The following PPP3CA variants were observed in gnomAD, a reference collection of about 807,000 sequenced individuals.
PPP3CA encodes the protein CAM-PRP catalytic subunit.
A neutral mutation model predicts 66.5 loss-of-function variants in PPP3CA; 14 were observed. The observed-to-expected ratio is 0.21, with a 90% confidence interval of 0.14 to 0.33. The LOEUF (loss-of-function observed/expected upper bound fraction) is 0.33, where lower values mean the gene tolerates loss of function less well. Ranked by LOEUF, PPP3CA falls within the 10% of genes least tolerant of loss-of-function variation. The pLI is 1.00. For missense variants in PPP3CA, 317 were observed against 639.5 expected, an observed-to-expected ratio of 0.50 and a Z score of 5.44; for synonymous variants, 232 against 226.2, an observed-to-expected ratio of 1.03 and a Z score of -0.23.
chr4:101,110,674 A>AT (rs1158880861), intron 2 of PPP3CA, among the ~76,000 whole-genome samples: 9 of 152,144 alleles, frequency 5.9e-5, no homozygotes, highest in African/African-American at 1.9e-4. Flanking sequence ...TTTATAAATA[A>AT]TTTTTTTATT....
intron 1 of PPP3CA, among the ~76,000 whole-genome samples, chr4:101,339,762 T>C (rs1051887834): frequency 6.6e-6 from 1 of 152,196 alleles, no homozygotes; most frequent in Non-Finnish European, 1.5e-5. Flanking sequence ...ACAATGACCA[T>C]TTTTTCCAAA....
At chr4:101,099,878 A>C (rs774760643) in intron 3 of PPP3CA, among the ~76,000 whole-genome samples, 156 bp from the exon 4 acceptor site, 8 of 152,052 alleles carry the variant, frequency 5.3e-5, no homozygotes, top group Admixed American at 1.3e-4. Flanking sequence ...TGACAATCAA[A>C]TAGGAAACAT....
intron 2 of PPP3CA, 72 bp from the exon 3 acceptor site, chr4:101,109,150 T>G: frequency 1.4e-6 from 2 of 1,437,564 alleles, no homozygotes; most frequent in Non-Finnish European, 1.9e-6. Context: ...AATTACAAAA[T>G]TTTAGAACCA....
intron 1 of PPP3CA, among the ~76,000 whole-genome samples, chr4:101,303,188 C>T (rs1331622841): frequency 6.6e-6 from 1 of 152,154 alleles, no homozygotes; most frequent in African/African-American, 2.4e-5. Flanking sequence ...GTAATTCTGA[C>T]TCATTTCAAA....
chr4:101,306,915 C>T (rs1728552816), intron 1 of PPP3CA, among the ~76,000 whole-genome samples: 2 of 151,912 alleles, frequency 1.3e-5, no homozygotes, highest in African/African-American at 4.8e-5. Context: ...AACAGTGAGT[C>T]CACGGGAGGA....
At chr4:101,208,477 G>A (rs983613832) in intron 1 of PPP3CA, among the ~76,000 whole-genome samples, 4 of 152,146 alleles carry the variant, frequency 2.6e-5, no homozygotes, top group African/African-American at 7.2e-5. Context: ...TAAATACAAA[G>A]GGATGCTGGC....
At chr4:101,038,884 C>G (rs1727379907) in intron 11 of PPP3CA, among the ~76,000 whole-genome samples, 1 of 152,128 alleles carries the variant, frequency 6.6e-6, no homozygotes, top group African/African-American at 2.4e-5. Flanking sequence ...CTTTTATTTT[C>G]TATTAACATG....
intron 1 of PPP3CA, among the ~76,000 whole-genome samples, chr4:101,247,634 A>AT (rs1281996591): frequency 6.6e-6 from 1 of 152,080 alleles, no homozygotes; most frequent in South Asian, 2.1e-4. Flanking sequence ...CCCTATACAT[A>AT]TTTTTTCATT....
chr4:101,107,752 C>A (rs547031039), intron 3 of PPP3CA, among the ~76,000 whole-genome samples: 13 of 152,046 alleles, frequency 8.6e-5, no homozygotes, highest in Non-Finnish European at 1.5e-4. Flanking sequence ...CCTTAAATAT[C>A]CCTTTAGCAA....
intron 1 of PPP3CA, among the ~76,000 whole-genome samples, chr4:101,299,553 G>T (rs1347727289): frequency 6.6e-6 from 1 of 151,922 alleles, no homozygotes; most frequent in Admixed American, 6.6e-5. Flanking sequence ...CCTATATGGG[G>T]TCTGTCACTA....
intron 1 of PPP3CA, among the ~76,000 whole-genome samples, chr4:101,214,647 C>T (rs1174598059): frequency 6.6e-6 from 1 of 152,072 alleles, no homozygotes; most frequent in East Asian, 1.9e-4. Context: ...ACTCCTCCCA[C>T]AGCAGGATAA....
chr4:101,191,614 CATTGCTTCAT>C (rs1414494005), intron 2 of PPP3CA, among the ~76,000 whole-genome samples: 1 of 152,180 alleles, frequency 6.6e-6, no homozygotes, highest in Non-Finnish European at 1.5e-5. Context: ...ACTAAGGCCA[CATTGCTTCAT>C]AGTGACAAAT....
intron 2 of PPP3CA, among the ~76,000 whole-genome samples, chr4:101,139,255 G>A (rs1435750089): frequency 6.6e-6 from 1 of 150,962 alleles, no homozygotes; most frequent in Non-Finnish European, 1.5e-5. Context: ...GCTGAGGCAG[G>A]AGAATGGTGT....
intron 2 of PPP3CA, among the ~76,000 whole-genome samples, chr4:101,111,994 T>C (rs1212618716): frequency 6.6e-6 from 1 of 152,188 alleles, no homozygotes; most frequent in African/African-American, 2.4e-5. Flanking sequence ...TCTCCCCTTC[T>C]AGCTTCTTGT....
chr4:101,173,887 C>T (rs1251389839), intron 2 of PPP3CA, among the ~76,000 whole-genome samples: 4 of 151,936 alleles, frequency 2.6e-5, no homozygotes, highest in South Asian at 2.1e-4. Flanking sequence ...CTTGTCTCAA[C>T]AAAAAAATTT....
chr4:101,117,606 T>C (rs1465106480), intron 2 of PPP3CA, among the ~76,000 whole-genome samples: 1 of 151,838 alleles, frequency 6.6e-6, no homozygotes, highest in Non-Finnish European at 1.5e-5. Flanking sequence ...AATAGCATCA[T>C]AGCATTATAT....
rs998435767 is a variant in PPP3CA, at chr4:101,126,996, T to C, written c.260-17918A>G. ...GTCTACTGCTTACATCTTGAGAATC[T>C]GTTCAATACCCTGATTCCTCTAGGA... On this transcript the variant is annotated intron_variant, in intron 2 of 13. Transcript: ENST00000394854. Among the ~76,000 whole-genome samples the C allele has an allele frequency of 5.3e-5, 8 of 152,316 alleles. No individual in the cohort carries two copies. The South Asian group carries it at 1.2e-3, about 24-fold the overall frequency.
intron 1 of PPP3CA, among the ~76,000 whole-genome samples, chr4:101,232,590 C>G (rs553937129): frequency 6.6e-6 from 1 of 151,702 alleles, no homozygotes; most frequent in African/African-American, 2.4e-5. Context: ...GGTCTCAATA[C>G]CTTATGACTG....
chr4:101,176,783 G>GC lies in PPP3CA; in HGVS notation c.259+19132dup, dbSNP rs142342115. Among the ~76,000 whole-genome samples the GC allele has an allele frequency of 8.9e-3, 1,358 of 151,868 alleles. 17 individuals are homozygous for GC. The highest frequency in any genetic ancestry group is 0.029 in the African/African-American group (1,202 of 41,412). ...GTGACTAAAATACAACTACTGTGAA[G>GC]CCCCCCCAAAAAACCACAGTGAAAT... On this transcript the variant is annotated intron_variant, in intron 2 of 13. Coordinates refer to ENST00000394854, the MANE Select transcript of PPP3CA (RefSeq NM_000944.5).
Sources: allele counts gnomAD v4.1 joint callset (sites outside exome capture counted in the v4.1 genomes callset), GRCh38; gene constraint gnomAD v4.1.1; transcripts MANE v1.5; gene names NCBI Gene and HGNC (gene_info 2026-07-23, HGNC 2026-07-21).